DISC1: variants seen among roughly 807,000 people sequenced by gnomAD.
DISC1 encodes disrupted in schizophrenia 1 protein.
In DISC1, 57 loss-of-function variants were observed where a neutral mutation model predicts 84.5. The observed-to-expected ratio is 0.67, with a 90% CI of 0.55 to 0.84. The LOEUF is 0.84. DISC1 is among the 40% of genes least tolerant of loss of function. The pLI is 0.00. For missense variants in DISC1, 1,000 were observed against 1,057.8 expected (o/e 0.95, Z 0.76); for synonymous variants, 411 against 415.2 (o/e 0.99, Z 0.12).
chr1:231,784,258 G>A (rs1015009272), intron 6 of DISC1, among the ~76,000 whole-genome samples: 3 of 132,842 alleles, frequency 2.3e-5, no homozygotes, highest in Non-Finnish European at 3.2e-5. Context: ...GCGAGACTCC[G>A]TCTCAAAAAA....
chr1:231,876,096 C>G (rs1013147660), intron 9 of DISC1, among the ~76,000 whole-genome samples: 6 of 152,144 alleles, frequency 3.9e-5, no homozygotes, highest in Non-Finnish European at 7.3e-5. Flanking sequence ...TGTCCCTGCC[C>G]AAATCTCATG....
intron 1 of DISC1, among the ~76,000 whole-genome samples, chr1:231,634,595 T>C (rs112948234): frequency 2.0e-5 from 3 of 152,360 alleles, no homozygotes; most frequent in African/African-American, 7.2e-5. Flanking sequence ...TTAAATTGCC[T>C]CGACTCTATT....
At chr1:232,034,759 A>G (rs922615250) in intron 12 of DISC1, among the ~76,000 whole-genome samples, 3 of 152,150 alleles carry the variant, frequency 2.0e-5, no homozygotes, top group African/African-American at 7.2e-5. Flanking sequence ...CTCTTCACAG[A>G]TGTGGCATGA....
At chr1:231,935,292 A>C (rs993234509) in intron 9 of DISC1, among the ~76,000 whole-genome samples, 1 of 152,168 alleles carries the variant, frequency 6.6e-6, no homozygotes, top group South Asian at 2.1e-4. Flanking sequence ...TCTCATATAT[A>C]CAAAGGAAGT....
chr1:231,880,277 A>G (rs1383306982), intron 9 of DISC1, among the ~76,000 whole-genome samples: 1 of 152,126 alleles, frequency 6.6e-6, no homozygotes, highest in Non-Finnish European at 1.5e-5. Flanking sequence ...CTGCCCCTCG[A>G]CCTTGGACTT....
rs1480548252 is a variant in DISC1, at chr1:232,031,705, G to A, written c.2426-4987G>A. On this transcript the variant is annotated intron_variant, in intron 12 of 12. Coordinates refer to ENST00000439617, the MANE Select transcript of DISC1 (RefSeq NM_018662.3). The surrounding 1 kb of genome is among the most constrained non-coding windows in gnomAD (Gnocchi z 4.6). ...GGGAGGGCAAGGGCGTAGACACAGG[G>A]CTGTCCTGCTGCTGGCTGAGCACGA... Among the ~76,000 whole-genome samples the A allele has an allele frequency of 6.6e-6, 1 of 152,166 alleles. No homozygotes were observed. Among genetic ancestry groups the A allele is most frequent in the Non-Finnish European group, 1.5e-5 (1 of 68,032 alleles).
At chr1:231,939,363 C>T (rs933598303) in intron 9 of DISC1, among the ~76,000 whole-genome samples, 1 of 152,194 alleles carries the variant, frequency 6.6e-6, no homozygotes, top group Non-Finnish European at 1.5e-5. Context: ...TGACTCCAGC[C>T]TAACACGAAG....
At chr1:231,678,611 G>C (rs1161116995) in intron 1 of DISC1, among the ~76,000 whole-genome samples, 1 of 152,212 alleles carries the variant, frequency 6.6e-6, no homozygotes, top group Admixed American at 6.5e-5. Flanking sequence ...GTAGAGATAG[G>C]CTTAAGGCCA....
intron 3 of DISC1, among the ~76,000 whole-genome samples, chr1:231,740,296 A>G (rs2073077890): frequency 6.6e-6 from 1 of 152,208 alleles, no homozygotes; most frequent in Admixed American, 6.5e-5. Context: ...TTGTGGAGGT[A>G]TTGGTCATAT....
intron 9 of DISC1, among the ~76,000 whole-genome samples, chr1:231,907,108 C>CTCCT (rs138288801): frequency 2.2e-4 from 18 of 81,350 alleles, no homozygotes; most frequent in African/African-American, 6.8e-4. Context: ...CCTTCCTTCT[C>CTCCT]TCCTTCCTTC....
At chr1:231,854,888 G>A (rs1220223578) in intron 9 of DISC1, 1 of 468,380 alleles carries the variant, frequency 2.1e-6, no homozygotes, top group Admixed American at 2.5e-5. Flanking sequence ...GGCTAATTTT[G>A]TATTCTTAGT....
chr1:231,968,105 T>C (rs1010305237), intron 10 of DISC1, among the ~76,000 whole-genome samples: 1 of 152,222 alleles, frequency 6.6e-6, no homozygotes, highest in African/African-American at 2.4e-5. Flanking sequence ...TTGGTCATTA[T>C]AATACTTTCC....
rs2059975263 is a variant in DISC1 at position 231,644,525 on chromosome 1, G to A, written c.67+17591G>A. Among the ~76,000 whole-genome samples the A allele has an allele frequency of 2.0e-5, 3 of 152,174 alleles. No homozygotes were observed. The South Asian group carries it at 6.2e-4, about 32-fold the overall frequency. ...GAGGCCATTGCAAGCAGTTGCTGTAGTGATAGTAAGGAAGGGGTGAGTTGG... is the reference window on the plus strand; with the variant it reads ...GAGGCCATTGCAAGCAGTTGCTGTAATGATAGTAAGGAAGGGGTGAGTTGG... On this transcript the variant is annotated intron_variant, in intron 1 of 12. Transcript: ENST00000439617.
chr1:231,866,455 C>G, intron 9 of DISC1: 1 of 769,558 alleles, frequency 1.3e-6, no homozygotes, highest in South Asian at 1.4e-5. Context: ...TGACCAACAG[C>G]TAACACTTAT....
rs1558854184 is a variant in DISC1 at position 232,031,230 on chromosome 1, A to C, written c.2425+4678A>C. On this transcript the variant is annotated intron_variant, in intron 12 of 12. Coordinates refer to ENST00000439617, the MANE Select transcript of DISC1 (RefSeq NM_018662.3). The surrounding 1 kb of genome is among the most constrained non-coding windows in gnomAD (Gnocchi z 4.6). ...GGAAGGAAGGAAGGGAGAAAGAGAG[A>C]GAGAAAGAGAGGAAGGAAGGAAGGA... Among the ~76,000 whole-genome samples the C allele has an allele frequency of 6.7e-6, 1 of 149,658 alleles. No homozygotes were observed.
intron 1 of DISC1, among the ~76,000 whole-genome samples, chr1:231,689,327 C>CT (rs113300309): frequency 4.0e-4 from 59 of 149,350 alleles, no homozygotes; most frequent in Middle Eastern, 3.5e-3. Context: ...GCCCACGTGT[C>CT]TTTTTTTTTT....
chr1:231,747,251 T>A (rs11580198), intron 3 of DISC1, among the ~76,000 whole-genome samples: 33,834 of 151,962 alleles, frequency 0.22, 3,967 homozygotes, highest in East Asian at 0.43. Context: ...TTTTCTTTGC[T>A]GTGCAGAAGA....
At chr1:231,910,601 G>A (rs2089118480) in intron 9 of DISC1, among the ~76,000 whole-genome samples, 1 of 152,114 alleles carries the variant, frequency 6.6e-6, no homozygotes, top group Admixed American at 6.6e-5. Flanking sequence ...CCAACTATGT[G>A]GTCAATTTTG....
At chr1:232,010,595 AT>A (rs1284861046) in intron 11 of DISC1, among the ~76,000 whole-genome samples, 1 of 152,214 alleles carries the variant, frequency 6.6e-6, no homozygotes, top group Non-Finnish European at 1.5e-5. Flanking sequence ...TGAGGCACCT[AT>A]ACAGACAGAG....
Sources: allele counts gnomAD v4.1 joint callset (sites outside exome capture counted in the v4.1 genomes callset), GRCh38; gene constraint gnomAD v4.1.1; non-coding constraint Gnocchi (gnomAD v3.1); transcripts MANE v1.5; gene names NCBI Gene and HGNC (gene_info 2026-07-23, HGNC 2026-07-21).